CACNA1B: variants seen among roughly 807,000 people sequenced by gnomAD.
The protein encoded by CACNA1B is voltage-dependent N-type calcium channel subunit alpha-1B.
In CACNA1B, 70 loss-of-function variants were observed where a neutral mutation model predicts 247.2. The observed-to-expected ratio is 0.28, with a 90% CI of 0.23 to 0.35. The LOEUF is 0.35. Among genes scored for constraint, CACNA1B ranks in the 10% least tolerant of loss-of-function variants. The pLI, the probability that CACNA1B is intolerant of heterozygous loss-of-function variation, is 1.00. For synonymous variants in CACNA1B, 1,231 were observed against 1,294.4 expected, an observed-to-expected ratio of 0.95 and a Z score of 1.05; for missense variants, 2,367 against 3,197.4, an observed-to-expected ratio of 0.74 and a Z score of 6.26.
rs917827034 is a variant in CACNA1B, at chr9:138,007,368, T to C, written c.2092+484T>C. 2.0e-5 allele frequency among the ~76,000 whole-genome samples: 3 copies of C among 152,160 alleles called. No individual in the cohort carries two copies. The highest frequency in any genetic ancestry group is 2.9e-5 in the Non-Finnish European group (2 of 68,030). ...GACCTTGAGTCAGAGGGTGAGTCTGTGGGGTCAGAGCGAGCCCAGCCGCCG... is the reference window on the plus strand; with the variant it reads ...GACCTTGAGTCAGAGGGTGAGTCTGCGGGGTCAGAGCGAGCCCAGCCGCCG... On this transcript the variant is annotated intron_variant, in intron 16 of 46. Transcript: ENST00000371372. This position sits in a 1 kb window ranked among gnomAD's most constrained non-coding sequence, Gnocchi z 4.1.
intron 12 of CACNA1B, among the ~76,000 whole-genome samples, chr9:137,976,267 C>T (rs1376896921): frequency 6.6e-6 from 1 of 152,250 alleles, no homozygotes; most frequent in African/African-American, 2.4e-5. Context: ...TCTTCTGATC[C>T]TGTCCATAGA....
Position 138,110,828 on chromosome 9 carries a change from A to T in CACNA1B, c.5429-1570A>T, listed in dbSNP as rs140417926. On this transcript the variant is annotated intron_variant, in intron 39 of 46. Coordinates refer to ENST00000371372, the MANE Select transcript of CACNA1B (RefSeq NM_000718.4). ...GCTATAGGATTAGTATTCCTAATAT[A>T]TGAAGAACTGTCACAACTCCCTAAG... Among the ~76,000 whole-genome samples the T allele has an allele frequency of 1.3e-3, 193 of 152,364 alleles. 1 individual carries two copies. Among genetic ancestry groups the T allele is most frequent in the African/African-American group, 4.3e-3 (177 of 41,586 alleles).
At chr9:137,922,140 T>C (rs145413354) in intron 6 of CACNA1B, among the ~76,000 whole-genome samples, 8,967 of 88,824 alleles carry the variant, frequency 0.1, 366 homozygotes, top group Middle Eastern at 0.14. Flanking sequence ...CAGAGTAAAG[T>C]GCTCGGAGAA....
chr9:137,932,536 G>A (rs894303258), intron 6 of CACNA1B, among the ~76,000 whole-genome samples: 2 of 152,192 alleles, frequency 1.3e-5, no homozygotes, highest in African/African-American at 4.8e-5. Context: ...TTGCTAAGGT[G>A]GCCCTGGTTA....
chr9:137,938,723 A>G (rs1957697527), intron 6 of CACNA1B, among the ~76,000 whole-genome samples: 1 of 152,218 alleles, frequency 6.6e-6, no homozygotes, highest in Non-Finnish European at 1.5e-5. Flanking sequence ...CTAAATATAT[A>G]TGCACCTAAC....
rs77129568 is a variant in CACNA1B, at chr9:138,101,712, C to T, written c.5223-999C>T. 7.2e-3 allele frequency among the ~76,000 whole-genome samples: 1,092 copies of T among 152,310 alleles called. 11 individuals are homozygous for T. The highest frequency in any genetic ancestry group is 0.024 in the African/African-American group (995 of 41,578). ...GTCCTGCTTTGCCTCTGGAGTGATG[C>T]GCTCAGCTCAGCCAAGGAGCCCCTG... On this transcript the variant is annotated intron_variant, in intron 37 of 46. Transcript: ENST00000371372.
In CACNA1B at chr9:137,917,457, T is replaced by G. The variant is rs752375125; in HGVS notation, c.966+26T>G. On this transcript the variant is annotated intron_variant, in intron 6 of 46. Coordinates refer to ENST00000371372, the MANE Select transcript of CACNA1B (RefSeq NM_000718.4). This position sits in a 1 kb window ranked among gnomAD's most constrained non-coding sequence, Gnocchi z 5.5. ...GTGAGTGGCGTCTTGGCCCTGGGCC[T>G]GAGGGCAGGCCCTGGACCTCCTGAG... 1 of 1,603,418 alleles carries G rather than the reference T, an allele frequency of 6.2e-7. No individual in the cohort carries two copies. Among genetic ancestry groups the G allele is most frequent in the South Asian group, 1.1e-5 (1 of 89,658 alleles).
chr9:137,987,636 C>T (rs1958382264), intron 15 of CACNA1B, among the ~76,000 whole-genome samples: 1 of 152,198 alleles, frequency 6.6e-6, no homozygotes, highest in Non-Finnish European at 1.5e-5. Context: ...GGCTGCTGAT[C>T]CTACCCTTGG....
chr9:138,118,981 G>A (rs886277067), intron 44 of CACNA1B, among the ~76,000 whole-genome samples: 1 of 152,098 alleles, frequency 6.6e-6, no homozygotes, highest in Non-Finnish European at 1.5e-5. Flanking sequence ...AGCCCCTGAG[G>A]CTTCTCCAGA....
At chr9:138,085,058 T>C (rs1960650815) in intron 36 of CACNA1B, among the ~76,000 whole-genome samples, 1 of 149,522 alleles carries the variant, frequency 6.7e-6, no homozygotes. Flanking sequence ...AGAAAAGGGA[T>C]TCAAAATAAT....
chr9:138,104,082 C>T (rs1961344099), intron 38 of CACNA1B, among the ~76,000 whole-genome samples: 1 of 152,208 alleles, frequency 6.6e-6, no homozygotes, highest in African/African-American at 2.4e-5. Context: ...TGCTGGCTGA[C>T]TCCAAGGTTC....
intron 10 of CACNA1B, among the ~76,000 whole-genome samples, chr9:137,965,098 T>C (rs974386680): frequency 2.0e-5 from 3 of 152,242 alleles, no homozygotes; most frequent in African/African-American, 7.2e-5. Flanking sequence ...GGTGCTGACC[T>C]ATTGCTGGCC....
intron 15 of CACNA1B, among the ~76,000 whole-genome samples, chr9:138,000,914 G>C (rs1455598075): frequency 6.6e-6 from 1 of 151,846 alleles, no homozygotes; most frequent in Non-Finnish European, 1.5e-5. Flanking sequence ...ATTTTTATTT[G>C]TGCTTTTTTT....
rs11137302 is a variant in CACNA1B at position 137,920,691 on chromosome 9, G to A, written c.966+3260G>A. Among the ~76,000 whole-genome samples, 1,319 of 152,272 alleles carry A rather than the reference G, an allele frequency of 8.7e-3. 77 individuals carry two copies. The East Asian group carries it at 0.15, about 17-fold the overall frequency. ...ATCATGTTGCTTTATGATTATGCAC[G>A]TATGCTTTGCTTATGTTCATTGTAC... On this transcript the variant is annotated intron_variant, in intron 6 of 46. Coordinates refer to ENST00000371372, the MANE Select transcript of CACNA1B (RefSeq NM_000718.4).
In CACNA1B at chr9:138,075,628, G is replaced by A. The variant is rs142746221; in HGVS notation, c.4858-191G>A. ...GTTCAGAGCTGGAGCCGGCACATGTGTAGCTACGGAGAGGGCGTCTATACT... is the reference window on the plus strand; with the variant it reads ...GTTCAGAGCTGGAGCCGGCACATGTATAGCTACGGAGAGGGCGTCTATACT... On this transcript the variant is annotated intron_variant, in intron 34 of 46. Coordinates refer to ENST00000371372, the MANE Select transcript of CACNA1B (RefSeq NM_000718.4). Among the ~76,000 whole-genome samples, 688 of 152,348 alleles carry A rather than the reference G, an allele frequency of 4.5e-3. 8 individuals carry two copies. The highest frequency in any genetic ancestry group is 0.016 in the African/African-American group (658 of 41,584).
At chr9:138,119,435 G>A (rs564812313) in intron 44 of CACNA1B, among the ~76,000 whole-genome samples, 3 of 152,266 alleles carry the variant, frequency 2.0e-5, no homozygotes, top group East Asian at 1.9e-4. Context: ...TGCAACATGA[G>A]CCTGCTTCAG....
At chr9:137,940,383 C>A (rs1235164726) in intron 6 of CACNA1B, among the ~76,000 whole-genome samples, 1 of 152,064 alleles carries the variant, frequency 6.6e-6, no homozygotes, top group Non-Finnish European at 1.5e-5. Flanking sequence ...GAATTAGATA[C>A]CCTGAACAGA....
At chr9:137,980,346 T>C (rs918868340) in intron 12 of CACNA1B, among the ~76,000 whole-genome samples, 2 of 152,230 alleles carry the variant, frequency 1.3e-5, no homozygotes, top group Non-Finnish European at 2.9e-5. Context: ...GAGAAGTTCC[T>C]GCTTCATTGA....
At chr9:137,901,686 ATTTT>A (rs57624388) in intron 3 of CACNA1B, among the ~76,000 whole-genome samples, 3,577 of 112,400 alleles carry the variant, frequency 0.032, 121 homozygotes, top group African/African-American at 0.11. Context: ...TTTTTTTGTG[ATTTT>A]TTTTTTTTTT....
Sources: allele counts gnomAD v4.1 joint callset (sites outside exome capture counted in the v4.1 genomes callset), GRCh38; gene constraint gnomAD v4.1.1; non-coding constraint Gnocchi (gnomAD v3.1); transcripts MANE v1.5; gene names NCBI Gene and HGNC (gene_info 2026-07-23, HGNC 2026-07-21).